KIRREL3: variants seen among roughly 807,000 people sequenced by gnomAD.
The protein encoded by KIRREL3 is kin of IRRE-like protein 3.
A neutral mutation model predicts 89.7 loss-of-function variants in KIRREL3; 36 were observed. The observed-to-expected ratio is 0.40, with a 90% CI of 0.31 to 0.53. The LOEUF (loss-of-function observed/expected upper bound fraction) is 0.53. Ranked by LOEUF, KIRREL3 falls within the 20% of genes least tolerant of loss-of-function variation. The pLI is 0.49. For synonymous variants in KIRREL3, 445 were observed against 441.4 expected (o/e 1.01, Z -0.10); for missense variants, 864 against 1,056.6 (o/e 0.82, Z 2.53).
intron 1 of KIRREL3, among the ~76,000 whole-genome samples, chr11:126,941,342 T>C (rs1245072115): frequency 6.6e-6 from 1 of 152,234 alleles, no homozygotes; most frequent in African/African-American, 2.4e-5. Context: ...ATTTGTCTGA[T>C]GCTGTTAGAG....
chr11:126,568,477 C>A lies in KIRREL3; in HGVS notation c.56-5565G>T, dbSNP rs73635349. Among the ~76,000 whole-genome samples, 1 of 152,172 alleles carries A rather than the reference C, an allele frequency of 6.6e-6. No homozygotes were observed. Among genetic ancestry groups the A allele is most frequent in the Non-Finnish European group, 1.5e-5 (1 of 68,030 alleles). On this transcript the variant is annotated intron_variant, in intron 1 of 16. Transcript: ENST00000525144. The surrounding 1 kb of genome is among the most constrained non-coding windows in gnomAD (Gnocchi z 4.6). Reference sequence around the variant, plus strand: ...ATCCCTGCCACGTTGACATAGAGAGCAGGGGAGGGGCTGAAAAAATAGCTC... The same window carrying A: ...ATCCCTGCCACGTTGACATAGAGAGAAGGGGAGGGGCTGAAAAAATAGCTC...
chr11:126,583,871 GCCTGTGTGCAACCCGCTGTGGAGGCTGC>G (rs1274885525), intron 1 of KIRREL3, among the ~76,000 whole-genome samples: 2 of 152,236 alleles, frequency 1.3e-5, no homozygotes, highest in South Asian at 4.1e-4. Context: ...TAGGGAGGCT[GCCTGTGTGCAACCCGCTGTGGAGGCTGC>G]TGGTGGCTGC....
chr11:126,817,832 A>G lies in KIRREL3; in HGVS notation c.55+182623T>C, dbSNP rs927038172. Among the ~76,000 whole-genome samples, 1 of 152,102 alleles carries G rather than the reference A, an allele frequency of 6.6e-6. No homozygotes were observed. Among genetic ancestry groups the G allele is most frequent in the South Asian group, 2.1e-4 (1 of 4,826 alleles). ...CTCTGGCTGTCCCAACCCCACCCTG[A>G]TCTGAAGGCTGAGGGGGTCATTATG... On this transcript the variant is annotated intron_variant, in intron 1 of 16. Coordinates refer to ENST00000525144, the MANE Select transcript of KIRREL3 (RefSeq NM_032531.4). This position sits in a 1 kb window ranked among gnomAD's most constrained non-coding sequence, Gnocchi z 5.7.
At position 126,620,152 on chromosome 11, in the gene KIRREL3, A is replaced by T. The variant is rs767563327; in HGVS notation, c.56-57240T>A. ...CTTATAACACTTGACCAAAAACCAA[A>T]CAACAAAAACAAGGCTACTTTCTTC... On this transcript the variant is annotated intron_variant, in intron 1 of 16. Transcript: ENST00000525144. The surrounding 1 kb of genome is among the most constrained non-coding windows in gnomAD (Gnocchi z 4.8). Among the ~76,000 whole-genome samples, 10 of 151,950 alleles carry T rather than the reference A, an allele frequency of 6.6e-5. No homozygotes were observed. Among genetic ancestry groups the T allele is most frequent in the Non-Finnish European group, 1.0e-4 (7 of 68,004 alleles).
At position 126,475,547 on chromosome 11, in the gene KIRREL3, A is replaced by G. The variant is rs1350463548; in HGVS notation, c.434-2081T>C. Among the ~76,000 whole-genome samples the G allele has an allele frequency of 1.3e-5, 2 of 152,120 alleles. No individual in the cohort carries two copies. Among genetic ancestry groups the G allele is most frequent in the Non-Finnish European group, 2.9e-5 (2 of 68,020 alleles). On this transcript the variant is annotated intron_variant, in intron 4 of 16. Coordinates refer to ENST00000525144, the MANE Select transcript of KIRREL3 (RefSeq NM_032531.4). The surrounding 1 kb of genome is among the most constrained non-coding windows in gnomAD (Gnocchi z 7.5). ...CTTCCGAGAAGCCATCACTGACCCC[A>G]GGGGCAGCGAGCCCCGGACTCCACC...
At chr11:126,962,533 G>C (rs767881806) in intron 1 of KIRREL3, among the ~76,000 whole-genome samples, 59 of 152,200 alleles carry the variant, frequency 3.9e-4, no homozygotes, top group Non-Finnish European at 7.1e-4. Context: ...AGCGAAGAAA[G>C]TGGTTTCTTG....
chr11:126,808,696 G>T lies in KIRREL3; in HGVS notation c.55+191759C>A, dbSNP rs1268844884. ...AATTGTATTTTGGGGTCTGAGTTTT[G>T]TCATGCAAACGAAGAAAAACAACTT... On this transcript the variant is annotated intron_variant, in intron 1 of 16. Transcript: ENST00000525144. The surrounding 1 kb of genome is among the most constrained non-coding windows in gnomAD (Gnocchi z 4.1). Among the ~76,000 whole-genome samples, 1 of 152,118 alleles carries T rather than the reference G, an allele frequency of 6.6e-6. No homozygotes were observed. The highest frequency in any genetic ancestry group is 2.4e-5 in the African/African-American group (1 of 41,420).
chr11:126,615,150 A>G lies in KIRREL3; in HGVS notation c.56-52238T>C, dbSNP rs922187304. Among the ~76,000 whole-genome samples the G allele has an allele frequency of 3.3e-5, 5 of 152,164 alleles. No individual in the cohort carries two copies. Among genetic ancestry groups the G allele is most frequent in the African/African-American group, 1.2e-4 (5 of 41,504 alleles). On this transcript the variant is annotated intron_variant, in intron 1 of 16. Coordinates refer to ENST00000525144, the MANE Select transcript of KIRREL3 (RefSeq NM_032531.4). This position sits in a 1 kb window ranked among gnomAD's most constrained non-coding sequence, Gnocchi z 5.4. ...TGGTGCATTATGAGGAAGAATTGTA[A>G]TGTAGAGCTGTGCTTCATATTCCCC...
At chr11:126,845,301 C>A (rs549045020) in intron 1 of KIRREL3, among the ~76,000 whole-genome samples, 3 of 152,170 alleles carry the variant, frequency 2.0e-5, no homozygotes, top group African/African-American at 7.2e-5. Flanking sequence ...GGCATGCTGG[C>A]AAAAGGGTAA....
chr11:126,482,324 C>T (rs113795573), intron 4 of KIRREL3, among the ~76,000 whole-genome samples: 8,157 of 152,250 alleles, frequency 0.054, 244 homozygotes, highest in African/African-American at 0.078. Flanking sequence ...CAGGCATGAA[C>T]CACCGTGCCG....
rs778892318 is a variant in KIRREL3 at position 126,678,472 on chromosome 11, C to T, written c.56-115560G>A. Among the ~76,000 whole-genome samples, 66 of 151,862 alleles carry T rather than the reference C, an allele frequency of 4.3e-4. 1 individual carries two copies. Among genetic ancestry groups the T allele is most frequent in the Non-Finnish European group, 7.9e-4 (54 of 67,986 alleles). ...AAAATTAGCCAGGCATGGTGGCAGG[C>T]GCCTGTAGTCCCAGCTACTCAGAAG... is the stretch of plus-strand genomic sequence containing the variant. On this transcript the variant is annotated intron_variant, in intron 1 of 16. Coordinates refer to ENST00000525144, the MANE Select transcript of KIRREL3 (RefSeq NM_032531.4).
At chr11:126,822,092 A>G (rs1189779083) in intron 1 of KIRREL3, among the ~76,000 whole-genome samples, 2 of 152,296 alleles carry the variant, frequency 1.3e-5, no homozygotes, top group East Asian at 3.9e-4. Flanking sequence ...ACATATTACA[A>G]TGCTTTCTTG....
Position 126,907,844 on chromosome 11 carries a change from C to T in KIRREL3, c.55+92611G>A, listed in dbSNP as rs527320411. 5.9e-5 allele frequency among the ~76,000 whole-genome samples: 9 copies of T among 152,230 alleles called. No individual in the cohort carries two copies. In the East Asian group the frequency reaches 1.2e-3, roughly 20 times the overall value. ...CAACCACACTGAACTTTTGAGTTCC[C>T]CCATCAAGTCCAGGCCCTTTCCTCC... On this transcript the variant is annotated intron_variant, in intron 1 of 16. Coordinates refer to ENST00000525144, the MANE Select transcript of KIRREL3 (RefSeq NM_032531.4).
At chr11:126,524,571 A>G (rs893623895) in intron 3 of KIRREL3, among the ~76,000 whole-genome samples, 2 of 152,350 alleles carry the variant, frequency 1.3e-5, no homozygotes, top group South Asian at 2.1e-4. Flanking sequence ...TTAGAAGAAA[A>G]ATGTGCTATC....
chr11:126,446,741 T>C lies in KIRREL3; in HGVS notation c.1125+18A>G. ...GCCCCCTGCCAGAGGTGCCCCGAGGTCTGAGCTGCAGCCTCACCACTCCGG... is the reference window on the plus strand; with the variant it reads ...GCCCCCTGCCAGAGGTGCCCCGAGGCCTGAGCTGCAGCCTCACCACTCCGG... On this transcript the variant is annotated intron_variant, in intron 9 of 16. Coordinates refer to ENST00000525144, the MANE Select transcript of KIRREL3 (RefSeq NM_032531.4). The C allele has an allele frequency of 1.3e-6, 2 of 1,592,368 alleles. No individual in the cohort carries two copies. The highest frequency in any genetic ancestry group is 1.7e-6 in the Non-Finnish European group (2 of 1,169,764).
At chr11:126,464,382 T>G (rs533316788) in intron 5 of KIRREL3, among the ~76,000 whole-genome samples, 425 of 146,024 alleles carry the variant, frequency 2.9e-3, no homozygotes, top group African/African-American at 0.01. Context: ...TAAAAAAAAA[T>G]TAGCCAGGCA....
At chr11:126,499,048 A>G (rs1957766239) in intron 4 of KIRREL3, among the ~76,000 whole-genome samples, 1 of 150,790 alleles carries the variant, frequency 6.6e-6, no homozygotes, top group African/African-American at 2.4e-5. Context: ...AGCTACTCGG[A>G]GGCAGAGGCA....
intron 1 of KIRREL3, among the ~76,000 whole-genome samples, chr11:126,964,703 G>A (rs1244961886): frequency 2.0e-5 from 3 of 152,162 alleles, no homozygotes; most frequent in Non-Finnish European, 4.4e-5. Context: ...AGGCAGCACA[G>A]ATGAAGAAGA....
At chr11:126,450,924 T>C (rs906304931) in intron 7 of KIRREL3, among the ~76,000 whole-genome samples, 2 of 150,204 alleles carry the variant, frequency 1.3e-5, no homozygotes. Flanking sequence ...TCCACGTGCA[T>C]GTGTGCATGT....
Sources: gnomAD v4.1 joint callset for allele counts (sites outside exome capture counted in the v4.1 genomes callset) on GRCh38, gnomAD v4.1.1 for gene constraint, Gnocchi (gnomAD v3.1) non-coding constraint, MANE v1.5 for transcripts, NCBI Gene and HGNC (gene_info 2026-07-23, HGNC 2026-07-21) for gene names.